Variants in RAD50 observed in about 807,000 individuals in gnomAD.
The protein encoded by RAD50 is DNA repair protein RAD50.
Under a neutral mutation model 168.8 loss-of-function variants are expected in RAD50, and 132 were observed. The ratio of observed to expected loss-of-function variants is 0.78; its 90% CI spans 0.68 to 0.90. RAD50 has a LOEUF of 0.90. Ranked by LOEUF, RAD50 falls within the 40% of genes least tolerant of loss-of-function variation. RAD50 has a pLI of 0.00. For synonymous variants in RAD50, 525 were observed against 497.4 expected (o/e 1.06, Z -0.74); for missense variants, 1,347 against 1,534.4 (o/e 0.88, Z 2.04).
intron 19 of RAD50, among the ~76,000 whole-genome samples, chr5:132,612,453 A>G (rs1473754399): frequency 6.6e-6 from 1 of 152,228 alleles, no homozygotes; most frequent in Admixed American, 6.5e-5. Flanking sequence ...AAATAAAGTA[A>G]AACTGCTAAA....
chr5:132,601,742 A>G lies in RAD50; in HGVS notation c.2208-1558A>G, dbSNP rs375714377. 7.2e-5 allele frequency among the ~76,000 whole-genome samples: 11 copies of G among 152,316 alleles called. No homozygotes were observed. The East Asian group carries it at 2.1e-3, about 29-fold the overall frequency. ...GAACCAACCCAAATGACCATCAATG[A>G]TAGACTAGATAAAGAAAATGTGGCA... On this transcript the variant is annotated intron_variant, in intron 13 of 24. Transcript: ENST00000378823.
chr5:132,582,024 G>A (rs1026091612), intron 5 of RAD50, among the ~76,000 whole-genome samples: 3 of 152,190 alleles, frequency 2.0e-5, no homozygotes, highest in Non-Finnish European at 4.4e-5. Flanking sequence ...ATCTGAGGTA[G>A]CCAGAGAGGA....
In RAD50 at chr5:132,588,722, C is replaced by T. The variant is rs556301488; in HGVS notation, c.1087C>T (p.His363Tyr). 4 of 1,613,780 alleles carry T rather than the reference C, an allele frequency of 2.5e-6. 1 individual carries two copies. In the South Asian group the frequency reaches 4.4e-5, roughly 18 times the overall value. Reference sequence around the variant, plus strand: ...GCTGCAAGCAGATCGCCATCAAGAACATATCCGAGCTAGAGATTCATTAAT... The same window carrying T: ...GCTGCAAGCAGATCGCCATCAAGAATATATCCGAGCTAGAGATTCATTAAT... ...LQLQADRHQEHIRARDSLIQS... is the reference protein window; with the variant it reads ...LQLQADRHQEYIRARDSLIQS... Residue 363 changes from histidine (H) to tyrosine (Y), a missense_variant, in exon 8 of 25, where the codon CAT becomes TAT. Coordinates refer to ENST00000378823, the MANE Select transcript of RAD50 (RefSeq NM_005732.4).
In RAD50 at chr5:132,603,902, T is replaced by C. The variant is rs1291943312; in HGVS notation, c.2398-18T>C. ...GCAGTAAGTTTATTAAAGGAAATCA[T>C]TTTGTTATATTCTTAAGATGGAACT... On this transcript the variant is annotated intron_variant, in intron 14 of 24. Transcript: ENST00000378823. 3 of 1,570,090 alleles carry C rather than the reference T, an allele frequency of 1.9e-6. No homozygotes were observed. The highest frequency in any genetic ancestry group is 2.6e-6 in the Non-Finnish European group (3 of 1,142,364).
chr5:132,589,924 AT>A (rs1276295407), intron 9 of RAD50, 87 bp downstream of exon 9: 1 of 1,216,170 alleles, frequency 8.2e-7, no homozygotes, highest in African/African-American at 1.5e-5. Flanking sequence ...AGATTATAGC[AT>A]TTTAATAAAA....
chr5:132,609,275 T>C lies in RAD50; in HGVS notation c.2923-8T>C, dbSNP rs2149849821. On this transcript the variant is annotated splice_region_variant and splice_polypyrimidine_tract_variant and intron_variant, in intron 18 of 24. Transcript: ENST00000378823. Reference sequence around the variant, plus strand: ...ATTCATGTGCTTAAAGAATTTTCTTTTTTGTAGCAAAAAGAAACTGAACTT... The same window carrying C: ...ATTCATGTGCTTAAAGAATTTTCTTCTTTGTAGCAAAAAGAAACTGAACTT... 6.2e-7 allele frequency: 1 copy of C among 1,610,526 alleles called. No homozygotes were observed. Among genetic ancestry groups the C allele is most frequent in the South Asian group, 1.1e-5 (1 of 89,664 alleles).
chr5:132,596,301 C>T (rs755430072), intron 13 of RAD50, among the ~76,000 whole-genome samples: 12 of 152,106 alleles, frequency 7.9e-5, no homozygotes, highest in Admixed American at 3.3e-4. Flanking sequence ...AGCCAGTAAG[C>T]TTATTTCTTA....
At chr5:132,603,770 C>T (rs1258026051) in intron 14 of RAD50, 150 bp from the exon 15 acceptor site, 2 of 820,130 alleles carry the variant, frequency 2.4e-6, no homozygotes, top group African/African-American at 3.5e-5. Flanking sequence ...ATTAATTTCA[C>T]TTTTATCCTA....
intron 9 of RAD50, 97 bp downstream of exon 9, chr5:132,589,934 A>C: frequency 1.8e-6 from 2 of 1,122,410 alleles, no homozygotes; most frequent in East Asian, 5.2e-5. Flanking sequence ...ATTTTAATAA[A>C]AACATCAACT....
In RAD50 at chr5:132,588,593, C is replaced by T; in HGVS notation, c.1052-94C>T. 5 of 1,255,768 alleles carry T rather than the reference C, an allele frequency of 4.0e-6. No homozygotes were observed. In the South Asian group the frequency reaches 5.5e-5, roughly 14 times the overall value. The allele number at this position is 1,255,768 out of a possible 1,614,324, so 77.8% of individuals were successfully genotyped here. A position where few individuals can be genotyped will look rare whatever the true frequency, so the allele number is the denominator to read the frequency against. ...AACTGGGCAAAATGTACAAGAGACA[C>T]ACTGCATTATTTTTTATAACTCGTG... On this transcript the variant is annotated intron_variant, in intron 7 of 24. Coordinates refer to ENST00000378823, the MANE Select transcript of RAD50 (RefSeq NM_005732.4).
At chr5:132,583,772 C>T (rs1257715057) in intron 5 of RAD50, among the ~76,000 whole-genome samples, 2 of 149,570 alleles carry the variant, frequency 1.3e-5, no homozygotes, top group African/African-American at 5.0e-5. Flanking sequence ...CGGCTCACTG[C>T]AACCTCCGTC....
At chr5:132,603,169 C>G (rs1687453549) in intron 13 of RAD50, 131 bp from the exon 14 acceptor site, 2 of 810,984 alleles carry the variant, frequency 2.5e-6, no homozygotes, top group South Asian at 3.5e-5. Flanking sequence ...ATCATGATTC[C>G]ATATCCACTG....
intron 2 of RAD50, among the ~76,000 whole-genome samples, chr5:132,565,046 A>G (rs1750183599): frequency 6.6e-6 from 1 of 152,054 alleles, no homozygotes; most frequent in African/African-American, 2.4e-5. Flanking sequence ...TCATGGGGGT[A>G]GATTTCCCCC....
At chr5:132,576,673 C>A (rs541199384) in intron 3 of RAD50, among the ~76,000 whole-genome samples, 1 of 152,338 alleles carries the variant, frequency 6.6e-6, no homozygotes, top group Admixed American at 6.5e-5. Flanking sequence ...CCAGTTACTA[C>A]CTGTCTCCTT....
intron 16 of RAD50, 83 bp from the exon 17 acceptor site, chr5:132,608,532 G>C (rs1751022727): frequency 1.7e-6 from 2 of 1,211,030 alleles, no homozygotes; most frequent in South Asian, 1.5e-5. Flanking sequence ...CATAGAAAGT[G>C]CTTTTATTAA....
intron 3 of RAD50, among the ~76,000 whole-genome samples, chr5:132,577,104 G>A (rs550553411): frequency 6.6e-6 from 1 of 152,340 alleles, no homozygotes; most frequent in African/African-American, 2.4e-5. Flanking sequence ...CAAGATGTTA[G>A]TAGGGTTACG....
In RAD50 at chr5:132,586,564, C is replaced by T. The variant is rs532659411; in HGVS notation, c.757-998C>T. On this transcript the variant is annotated intron_variant, in intron 5 of 24. Coordinates refer to ENST00000378823, the MANE Select transcript of RAD50 (RefSeq NM_005732.4). The stretch of plus-strand genomic sequence containing the variant: ...GTTTTTAGGTTCATTTGTATATGAA[C>T]GTTTACGTTCATATACAAATCACAA... Among the ~76,000 whole-genome samples, 4 of 151,996 alleles carry T rather than the reference C, an allele frequency of 2.6e-5. No homozygotes were observed. The South Asian group carries it at 6.2e-4, about 24-fold the overall frequency.
intron 15 of RAD50, among the ~76,000 whole-genome samples, 176 bp from the exon 16 acceptor site, chr5:132,604,630 G>A (rs1190693105): frequency 1.3e-5 from 2 of 152,100 alleles, no homozygotes; most frequent in African/African-American, 2.4e-5. Flanking sequence ...GGCCAGCAGG[G>A]AACATCAAGC....
At chr5:132,590,060 T>C (rs1750671517) in intron 9 of RAD50, among the ~76,000 whole-genome samples, 1 of 152,200 alleles carries the variant, frequency 6.6e-6, no homozygotes, top group South Asian at 2.1e-4. Flanking sequence ...TTAAAGATAC[T>C]GTACTCAGAC....
Sources: gnomAD v4.1 joint callset for allele counts (sites outside exome capture counted in the v4.1 genomes callset) on GRCh38, gnomAD v4.1.1 for gene constraint, MANE v1.5 for transcripts, NCBI Gene and HGNC (gene_info 2026-07-23, HGNC 2026-07-21) for gene names.